Variants in PCK2 observed in about 807,000 individuals in gnomAD.
The protein encoded by PCK2 is phosphoenolpyruvate carboxykinase [GTP], mitochondrial.
Under a neutral mutation model 65.9 loss-of-function variants are expected in PCK2, and 56 were observed. That is an observed-to-expected ratio of 0.85 (90% CI 0.69 to 1.06). The LOEUF is 1.06. Among genes scored for constraint, PCK2 ranks in the 50% least tolerant of loss-of-function variants. PCK2 has a pLI of 0.00. For synonymous variants in PCK2, 305 were observed against 319.6 expected (o/e 0.95, Z 0.49); for missense variants, 843 against 863.1 (o/e 0.98, Z 0.29).
intron 1 of PCK2, chr14:24,095,256 T>A (rs780531508): frequency 1.3e-5 from 6 of 455,004 alleles, no homozygotes; most frequent in Non-Finnish European, 2.6e-5. Flanking sequence ...TGCAAGAGGG[T>A]GTGGGGGCTT....
At chr14:24,098,941 G>A in intron 4 of PCK2, 108 bp from the exon 5 acceptor site, 2 of 857,542 alleles carry the variant, frequency 2.3e-6, no homozygotes, top group Admixed American at 2.1e-5. Flanking sequence ...ACCTCTTGGT[G>A]CTGCTACTGC....
chr14:24,095,166 A>G (rs937826415), intron 1 of PCK2: 28 of 455,868 alleles, frequency 6.1e-5, no homozygotes, highest in Non-Finnish European at 1.2e-4. Context: ...GTCGGAAGTG[A>G]CCCACATCTG....
chr14:24,094,238 A>T, upstream of PCK2: 1 of 627,738 alleles, frequency 1.6e-6, no homozygotes, highest in Middle Eastern at 4.1e-4. The surrounding 1 kb of genome is among the most constrained non-coding windows in gnomAD (Gnocchi z 4.1). Flanking sequence ...GAGGAAAGCT[A>T]GTGCCAGCCC....
At position 24,097,027 on chromosome 14, in the gene PCK2, C is replaced by G; in HGVS notation, c.165C>G (p.Cys55Trp). 3.7e-6 allele frequency: 6 copies of G among 1,613,290 alleles called. No homozygotes were observed. Among genetic ancestry groups the G allele is most frequent in the Non-Finnish European group, 5.1e-6 (6 of 1,179,722 alleles). The change falls in exon 2 of 10, where the codon TGC becomes TGG. Residue 55 changes from cysteine to tryptophan, a missense_variant. Transcript: ENST00000216780. ...TTGTAGAGCACAGTGCCCGCCTGTG[C>G]CAACCAGAGGGCATCCACATCTGTG... ...RDFVEHSARL[C>W]QPEGIHICDG...
rs1192401422 is a variant in PCK2 at position 24,103,544 on chromosome 14, G to A, written c.1503G>A (p.Arg501=). Reference sequence around the variant, plus strand: ...TCATGCACGACCCATTTGCCATGCGGCCCTTTTTTGGCTACAACTTCGGGC... The same window carrying A: ...TCATGCACGACCCATTTGCCATGCGACCCTTTTTTGGCTACAACTTCGGGC... ...KIIMHDPFAM[R]PFFGYNFGHY... The change falls in exon 10 of 10, where the codon CGG becomes CGA. Residue 501 remains arginine (R), a synonymous_variant. Coordinates refer to ENST00000216780, the MANE Select transcript of PCK2 (RefSeq NM_004563.4). 1 of 1,565,282 alleles carries A rather than the reference G, an allele frequency of 6.4e-7. No individual in the cohort carries two copies. Among genetic ancestry groups the A allele is most frequent in the East Asian group, 2.3e-5 (1 of 44,402 alleles).
Position 24,096,877 on chromosome 14 carries a change from CT to C in PCK2, c.30-14del, listed in dbSNP as rs1412182493. On this transcript the variant is annotated splice_polypyrimidine_tract_variant and intron_variant, in intron 1 of 9. Coordinates refer to ENST00000216780, the MANE Select transcript of PCK2 (RefSeq NM_004563.4). ...GATGACAGCAACTAGCTCATTGCCT[CT>C]GTTTCTCCTATAGGCTTAACTGGCA... 6.2e-7 allele frequency: 1 copy of C among 1,606,106 alleles called. No homozygotes were observed. Among genetic ancestry groups the C allele is most frequent in the African/African-American group, 1.3e-5 (1 of 74,816 alleles).
At chr14:24,095,425 T>C (rs1238959524) in intron 1 of PCK2, 1 of 352,790 alleles carries the variant, frequency 2.8e-6, no homozygotes, top group African/African-American at 2.1e-5. Flanking sequence ...ACTGATCATC[T>C]ATCCTGCTTT....
Position 24,096,976 on chromosome 14 carries a change from C to T in PCK2, c.114C>T (p.Gly38=), listed in dbSNP as rs1400352270. ...QTLRVLSGDL[G]QLPTGIRDFV... ...TGCGAGTGCTTAGTGGAGATCTGGG[C>T]CAGCTTCCCACTGGCATTCGAGATT... is the stretch of plus-strand genomic sequence containing the variant. Residue 38 remains glycine (G), a synonymous_variant, in exon 2 of 10, where the codon GGC becomes GGT. Transcript: ENST00000216780. 2 of 1,613,098 alleles carry T rather than the reference C, an allele frequency of 1.2e-6. No individual in the cohort carries two copies. The highest frequency in any genetic ancestry group is 2.2e-5 in the South Asian group (2 of 91,018).
chr14:24,099,841 A>T (rs753234641), intron 6 of PCK2, 121 bp downstream of exon 6: 3 of 1,527,742 alleles, frequency 2.0e-6, no homozygotes, highest in Non-Finnish European at 2.7e-6. Context: ...ACCCTGCTCC[A>T]TTCCTCTGGC....
In PCK2 at chr14:24,103,784, C is replaced by G; in HGVS notation, c.1743C>G (p.Ala581=). Residue 581 remains alanine, a synonymous_variant, in exon 10 of 10, where the codon GCC becomes GCG. Coordinates refer to ENST00000216780, the MANE Select transcript of PCK2 (RefSeq NM_004563.4). ...TPIGLVPKEG[A]LDLSGLRAID... is the part of the protein sequence containing the mutation. ...TTGGGCTGGTGCCAAAGGAAGGAGC[C>G]TTGGATCTCAGCGGCCTCAGAGCTA... The G allele has an allele frequency of 1.2e-6, 2 of 1,614,152 alleles. No homozygotes were observed. The highest frequency in any genetic ancestry group is 1.7e-6 in the Non-Finnish European group (2 of 1,180,018).
chr14:24,097,718 G>T (rs1462412140), intron 2 of PCK2, among the ~76,000 whole-genome samples: 1 of 151,648 alleles, frequency 6.6e-6, no homozygotes, highest in Admixed American at 6.6e-5. Flanking sequence ...CTCAGCCTCC[G>T]GAGTAGCTGG....
chr14:24,098,459 A>G lies in PCK2; in HGVS notation c.461-16A>G, dbSNP rs765644133. The G allele has an allele frequency of 6.8e-6, 11 of 1,613,774 alleles. No individual in the cohort carries two copies. The stretch of plus-strand genomic sequence containing the variant: ...AGGTTTGGAACCCTTCATCCAGGGG[A>G]TGCCTTCCTCCACAGGCCGCACCAT... On this transcript the variant is annotated splice_polypyrimidine_tract_variant and intron_variant, in intron 3 of 9. Transcript: ENST00000216780.
At position 24,094,732 on chromosome 14, in the gene PCK2, G is replaced by A; in HGVS notation, c.29+298G>A. 2 of 1,488,484 alleles carry A rather than the reference G, an allele frequency of 1.3e-6. No individual in the cohort carries two copies. The highest frequency in any genetic ancestry group is 1.8e-6 in the Non-Finnish European group (2 of 1,116,850). 92.2% of individuals were successfully genotyped at this position (1,488,484 alleles called of 1,614,324 possible). ...CTCTCTCCTCGCTCCTCTCTGCTGA[G>A]CCAGGTCTCCGCATATCCTCCTTTC... is the stretch of plus-strand genomic sequence containing the variant. On this transcript the variant is annotated intron_variant, in intron 1 of 9. Transcript: ENST00000216780. The surrounding 1 kb of genome is among the most constrained non-coding windows in gnomAD (Gnocchi z 4.1).
chr14:24,094,786 A>C lies in PCK2; in HGVS notation c.29+352A>C. 5.9e-6 allele frequency: 8 copies of C among 1,366,876 alleles called. No homozygotes were observed. Among genetic ancestry groups the C allele is most frequent in the Non-Finnish European group, 3.8e-6 (4 of 1,039,248 alleles). 84.7% of individuals were successfully genotyped at this position (1,366,876 alleles called of 1,614,324 possible). A position where few individuals can be genotyped will look rare whatever the true frequency, so the allele number is the denominator to read the frequency against. ...CCCAGATACCTCCCTCGGACCTCTA[A>C]CGGGCTCTCAGCCAGCGCCCCAGGG... On this transcript the variant is annotated intron_variant, in intron 1 of 9. Coordinates refer to ENST00000216780, the MANE Select transcript of PCK2 (RefSeq NM_004563.4). This position sits in a 1 kb window ranked among gnomAD's most constrained non-coding sequence, Gnocchi z 4.1.
intron 1 of PCK2, among the ~76,000 whole-genome samples, chr14:24,095,536 C>A (rs901131633): frequency 6.6e-6 from 1 of 152,196 alleles, no homozygotes; most frequent in Non-Finnish European, 1.5e-5. Flanking sequence ...TGAGTCTGAG[C>A]TGCCAGCAAG....
chr14:24,099,480 C>G, intron 5 of PCK2, 78 bp from the exon 6 acceptor site: 1 of 1,363,216 alleles, frequency 7.3e-7, no homozygotes, highest in South Asian at 1.4e-5. Flanking sequence ...CTATTAGACC[C>G]TAGCTGCCCT....
chr14:24,102,989 C>A, intron 8 of PCK2, 99 bp downstream of exon 8: 1 of 1,373,580 alleles, frequency 7.3e-7, no homozygotes, highest in Non-Finnish European at 1.0e-6. Context: ...CTGGATCTCA[C>A]CTTTCTCCAG....
chr14:24,094,843 A>C lies in PCK2; in HGVS notation c.29+409A>C. ...GAGAGGCAGCAGGGCCCTGGGGACA[A>C]GGGTACGTGAGCCCCGGGAGACTAA... On this transcript the variant is annotated intron_variant, in intron 1 of 9. Coordinates refer to ENST00000216780, the MANE Select transcript of PCK2 (RefSeq NM_004563.4). This position sits in a 1 kb window ranked among gnomAD's most constrained non-coding sequence, Gnocchi z 4.1. 7.6e-7 allele frequency: 1 copy of C among 1,311,504 alleles called. No individual in the cohort carries two copies. Among genetic ancestry groups the C allele is most frequent in the Non-Finnish European group, 1.0e-6 (1 of 1,003,450 alleles). 81.2% of individuals were successfully genotyped at this position (1,311,504 alleles called of 1,614,324 possible).
At chr14:24,098,161 AC>A in intron 2 of PCK2, 41 bp from the exon 3 acceptor site, 1 of 1,546,724 alleles carries the variant, frequency 6.5e-7, no homozygotes, top group Non-Finnish European at 8.8e-7. Context: ...GACAAGGGAA[AC>A]CTGCTGGCCA....
Sources: gnomAD v4.1 joint callset for allele counts (sites outside exome capture counted in the v4.1 genomes callset) on GRCh38, gnomAD v4.1.1 for gene constraint, Gnocchi (gnomAD v3.1) non-coding constraint, MANE v1.5 for transcripts, NCBI Gene and HGNC (gene_info 2026-07-23, HGNC 2026-07-21) for gene names.